Variants in RBM19 observed in about 807,000 individuals in gnomAD.
RBM19 encodes RNA binding motif protein 19.
In RBM19, 94 loss-of-function variants were observed where a neutral mutation model predicts 116.8. The observed-to-expected ratio is 0.80, with a 90% CI of 0.68 to 0.95. The LOEUF (loss-of-function observed/expected upper bound fraction) is 0.95, where lower values mean the gene tolerates loss of function less well. Ranked by LOEUF, RBM19 falls within the 40% of genes least tolerant of loss-of-function variation. RBM19 has a pLI of 0.00. For missense variants in RBM19, 1,161 were observed against 1,220.7 expected (o/e 0.95, Z 0.73); for synonymous variants, 475 against 494.1 (o/e 0.96, Z 0.51).
intron 22 of RBM19, among the ~76,000 whole-genome samples, chr12:113,851,876 C>A (rs1157165272): frequency 6.6e-6 from 1 of 151,722 alleles, no homozygotes; most frequent in Admixed American, 6.6e-5. Flanking sequence ...CATGGAGAAA[C>A]CCCGTCTCTA....
At chr12:113,908,479 T>C (rs143320019) in intron 21 of RBM19, among the ~76,000 whole-genome samples, 2,016 of 142,882 alleles carry the variant, frequency 0.014, 14 homozygotes, top group South Asian at 0.023. Flanking sequence ...GGACAGGAGA[T>C]GCAAGCCTTG....
At chr12:113,862,286 T>C (rs1385669563) in intron 21 of RBM19, among the ~76,000 whole-genome samples, 1 of 152,212 alleles carries the variant, frequency 6.6e-6, no homozygotes, top group Non-Finnish European at 1.5e-5. Flanking sequence ...CCATGTCTCA[T>C]GGCCCCAGGA....
At position 113,927,118 on chromosome 12, in the gene RBM19, A is replaced by AGGCT. The variant is rs1869155232; in HGVS notation, c.2176_2179dup (p.Leu727GlnfsTer10). On this transcript the variant is annotated frameshift_variant, in exon 17 of 24. Coordinates refer to ENST00000261741, the MANE Select transcript of RBM19 (RefSeq NM_016196.4). LOFTEE classifies it high-confidence loss of function. ...CTTAATAAACAGAGTACATCCTGGG[A>AGGCT]GGCTCTCTTCTTCTTCTTCCTCTTC... The AGGCT allele has an allele frequency of 1.2e-6, 2 of 1,613,308 alleles. No homozygotes were observed. The highest frequency in any genetic ancestry group is 2.7e-5 in the African/African-American group (2 of 74,910).
chr12:113,859,184 T>C (rs1024551905), intron 21 of RBM19, among the ~76,000 whole-genome samples: 6 of 152,170 alleles, frequency 3.9e-5, no homozygotes, highest in African/African-American at 1.4e-4. Context: ...GGGGCCCCAC[T>C]TCCCTGTGGG....
chr12:113,945,878 C>A lies in RBM19; in HGVS notation c.1576G>T (p.Asp526Tyr). The change falls in exon 13 of 24, where the codon GAT (aspartate) becomes TAT (tyrosine). Residue 526 changes from aspartate to tyrosine, a missense_variant. Asp to Tyr is a radical substitution (Grantham distance 160). Coordinates refer to ENST00000261741, the MANE Select transcript of RBM19 (RefSeq NM_016196.4). ...GCGTTGTACTTCTGTGCGATGGCAT[C>A]GGCCACGGCATTCGGCCCCATGAAT... ...TLFMGPNAVA[D>Y]AIAQKYNATK... The A allele has an allele frequency of 6.3e-7, 1 of 1,594,486 alleles. No homozygotes were observed. The highest frequency in any genetic ancestry group is 8.6e-7 in the Non-Finnish European group (1 of 1,162,142).
At chr12:113,907,630 T>C (rs1224751826) in intron 21 of RBM19, among the ~76,000 whole-genome samples, 5 of 152,206 alleles carry the variant, frequency 3.3e-5, no homozygotes, top group African/African-American at 1.2e-4. Context: ...TTGTAACCCC[T>C]GTATGTTTTA....
At chr12:113,918,311 G>A (rs1365113104) in intron 20 of RBM19, 81 bp downstream of exon 20, 1 of 1,378,452 alleles carries the variant, frequency 7.3e-7, no homozygotes, top group South Asian at 1.2e-5. Context: ...GAAGGGTTGT[G>A]AGACAGCCTC....
At chr12:113,821,185 C>A (rs1166945103), downstream of RBM19, among the ~76,000 whole-genome samples, 1 of 152,172 alleles carries the variant, frequency 6.6e-6, no homozygotes, top group African/African-American at 2.4e-5. Flanking sequence ...TGTCTGCTCA[C>A]CCCGCACCAA....
chr12:113,871,507 G>A (rs1203442470), intron 21 of RBM19, among the ~76,000 whole-genome samples: 1 of 152,234 alleles, frequency 6.6e-6, no homozygotes, highest in Non-Finnish European at 1.5e-5. Flanking sequence ...ACTCTACTCT[G>A]CTCTGTAGCG....
intron 17 of RBM19, among the ~76,000 whole-genome samples, chr12:113,926,847 C>T (rs889963990): frequency 1.3e-5 from 2 of 152,242 alleles, no homozygotes; most frequent in African/African-American, 2.4e-5. Flanking sequence ...TCAGGGCCCC[C>T]GGCCAGCCTT....
chr12:113,839,239 A>G (rs1332919850), intron 23 of RBM19, among the ~76,000 whole-genome samples: 1 of 152,212 alleles, frequency 6.6e-6, no homozygotes, highest in Non-Finnish European at 1.5e-5. Flanking sequence ...ATTTTTCTCC[A>G]TGGGAAAAGG....
At chr12:113,954,971 A>T (rs140138988) in intron 7 of RBM19, among the ~76,000 whole-genome samples, 160 bp downstream of exon 7, 121 of 152,142 alleles carry the variant, frequency 8.0e-4, no homozygotes, top group African/African-American at 2.9e-3. Flanking sequence ...GACCCTGACG[A>T]TGCCGGAGAT....
At position 113,940,056 on chromosome 12, in the gene RBM19, G is replaced by A. The variant is rs775607104; in HGVS notation, c.1842C>T (p.Gly614=). ...TTCCGCCCTCTGGCAGCAGCACGCG[G>A]CCCAGGCTGCCAAAATGGCCGAAGG... ...QETFGHFGSL[G]RVLLPEGGIT... The change falls in exon 15 of 24, where the codon GGC becomes GGT. Residue 614 remains glycine, a synonymous_variant. Transcript: ENST00000261741. 16 of 1,613,890 alleles carry A rather than the reference G, an allele frequency of 9.9e-6. No individual in the cohort carries two copies. Among genetic ancestry groups the A allele is most frequent in the Middle Eastern group, 3.3e-4 (2 of 6,054 alleles).
At chr12:113,834,637 C>G (rs1012238408) in intron 23 of RBM19, among the ~76,000 whole-genome samples, 10 of 152,278 alleles carry the variant, frequency 6.6e-5, no homozygotes, top group Middle Eastern at 3.4e-3. Context: ...TTTATAAAAA[C>G]AGATTGTAGG....
At chr12:113,840,225 G>A (rs1433926136) in intron 23 of RBM19, among the ~76,000 whole-genome samples, 2 of 152,222 alleles carry the variant, frequency 1.3e-5, no homozygotes, top group Admixed American at 6.5e-5. Context: ...AAAGAGTGCT[G>A]AAAAATGCAA....
In RBM19 at chr12:113,849,174, C is replaced by T. The variant is rs570952542; in HGVS notation, c.2665-4386G>A. On this transcript the variant is annotated intron_variant, in intron 22 of 23. Coordinates refer to ENST00000261741, the MANE Select transcript of RBM19 (RefSeq NM_016196.4). ...CCCTGTGCCCTGGACACCTGGCCTC[C>T]GTTTCCAGAACCTGCTCCCTGCCCC... 2.6e-5 allele frequency among the ~76,000 whole-genome samples: 4 copies of T among 152,228 alleles called. No individual in the cohort carries two copies. The South Asian group carries it at 8.3e-4, about 32-fold the overall frequency.
intron 20 of RBM19, among the ~76,000 whole-genome samples, chr12:113,917,024 T>G (rs151248977): frequency 4.9e-4 from 75 of 152,362 alleles, no homozygotes; most frequent in African/African-American, 1.7e-3. Flanking sequence ...ACTACCATAT[T>G]GGACAGAAGA....
rs1351501543 is a variant in RBM19 at position 113,962,211 on chromosome 12, G to A, written c.219+21C>T. ...CGTCACACTTGACAGGAAGGTAAGG[G>A]TGAGACTCCTGCCCACTCACTGTGA... On this transcript the variant is annotated intron_variant, in intron 2 of 23. Transcript: ENST00000261741. 2.5e-6 allele frequency: 4 copies of A among 1,612,650 alleles called. No homozygotes were observed. In the South Asian group the frequency reaches 4.4e-5, roughly 18 times the overall value.
At chr12:113,878,666 CACACA>C (rs1879846745) in intron 21 of RBM19, among the ~76,000 whole-genome samples, 2 of 149,898 alleles carry the variant, frequency 1.3e-5, no homozygotes, top group African/African-American at 5.1e-5. Flanking sequence ...CACACACACA[CACACA>C]CCCTCACTCA....
Sources: gnomAD v4.1 joint callset for allele counts (sites outside exome capture counted in the v4.1 genomes callset) on GRCh38, gnomAD v4.1.1 for gene constraint, MANE v1.5 for transcripts, NCBI Gene and HGNC (gene_info 2026-07-23, HGNC 2026-07-21) for gene names.